DOCK2: variants seen among roughly 807,000 people sequenced by gnomAD.
DOCK2 encodes dedicator of cytokinesis 2, also known as dedicator of cytokinesis protein 2.
A neutral mutation model predicts 248.9 loss-of-function variants in DOCK2; 87 were observed. The ratio of observed to expected loss-of-function variants is 0.35; its 90% CI spans 0.29 to 0.42. DOCK2 has a LOEUF of 0.42. Among genes scored for constraint, DOCK2 ranks in the 10% least tolerant of loss-of-function variants. The pLI is 1.00. For synonymous variants in DOCK2, 805 were observed against 821.6 expected, an observed-to-expected ratio of 0.98 and a Z score of 0.35; for missense variants, 1,747 against 2,300.2, an observed-to-expected ratio of 0.76 and a Z score of 4.92.
chr5:169,710,312 G>A (rs1447703344), intron 15 of DOCK2, among the ~76,000 whole-genome samples: 1 of 152,196 alleles, frequency 6.6e-6, no homozygotes, highest in African/African-American at 2.4e-5. Flanking sequence ...CCTTGGTGCA[G>A]GATGTAACCA....
At chr5:169,899,760 C>T (rs1287970748) in intron 27 of DOCK2, among the ~76,000 whole-genome samples, 1 of 152,202 alleles carries the variant, frequency 6.6e-6, no homozygotes, top group East Asian at 1.9e-4. Flanking sequence ...GACTGCATAA[C>T]ACATGAATTT....
intron 23 of DOCK2, among the ~76,000 whole-genome samples, chr5:169,759,083 G>C (rs971674512): frequency 6.6e-6 from 1 of 152,138 alleles, no homozygotes; most frequent in East Asian, 1.9e-4. Flanking sequence ...CCTATCTCTG[G>C]ATGCATCAGT....
chr5:170,007,896 C>T (rs73312338), intron 30 of DOCK2, among the ~76,000 whole-genome samples: 5 of 152,098 alleles, frequency 3.3e-5, no homozygotes, highest in African/African-American at 7.2e-5. Context: ...GTCTAGGCAG[C>T]GGCCAGAGAA....
chr5:169,922,245 A>G (rs1380659463), intron 27 of DOCK2, among the ~76,000 whole-genome samples: 2 of 152,232 alleles, frequency 1.3e-5, no homozygotes, highest in African/African-American at 4.8e-5. Context: ...ATTGCTTCCA[A>G]AGAATGAATT....
intron 2 of DOCK2, among the ~76,000 whole-genome samples, chr5:169,659,091 GTCC>G (rs1758301334): frequency 6.6e-6 from 1 of 151,028 alleles, no homozygotes; most frequent in African/African-American, 2.4e-5. Context: ...GGCCCAAGCA[GTCC>G]TCCTGCCTCA....
chr5:169,846,759 A>G (rs1418285835), intron 27 of DOCK2, among the ~76,000 whole-genome samples: 1 of 152,104 alleles, frequency 6.6e-6, no homozygotes, highest in Admixed American at 6.6e-5. Flanking sequence ...TGGATGAATT[A>G]TATAGTGGTG....
At chr5:170,079,434 A>G in intron 49 of DOCK2, 1 of 344,926 alleles carries the variant, frequency 2.9e-6, no homozygotes, top group Non-Finnish European at 5.6e-6. Context: ...CAGGCTGGGG[A>G]GAATCCACCT....
At chr5:169,711,794 A>G in intron 15 of DOCK2, 141 bp from the exon 16 acceptor site, 1 of 767,140 alleles carries the variant, frequency 1.3e-6, no homozygotes, top group East Asian at 2.6e-5. Context: ...TTTACAGTTC[A>G]TCAGCCTCAA....
chr5:169,855,593 C>A (rs1177477491), intron 27 of DOCK2, among the ~76,000 whole-genome samples: 2 of 152,038 alleles, frequency 1.3e-5, no homozygotes, highest in Non-Finnish European at 2.9e-5. Flanking sequence ...TAGAGAGAGG[C>A]CCCAGGCAGC....
intron 27 of DOCK2, among the ~76,000 whole-genome samples, chr5:169,862,769 AG>A (rs1771286577): frequency 6.6e-6 from 1 of 152,200 alleles, no homozygotes; most frequent in Non-Finnish European, 1.5e-5. Flanking sequence ...TCACTATGAC[AG>A]GGGAAGGTGA....
chr5:169,728,857 T>C (rs1762621499), intron 22 of DOCK2, among the ~76,000 whole-genome samples: 1 of 152,214 alleles, frequency 6.6e-6, no homozygotes, highest in African/African-American at 2.4e-5. Context: ...TGGTCTTGTC[T>C]GCTTCCACCT....
At chr5:169,821,736 T>C (rs568247233) in intron 26 of DOCK2, among the ~76,000 whole-genome samples, 2 of 152,152 alleles carry the variant, frequency 1.3e-5, no homozygotes, top group African/African-American at 4.8e-5. Flanking sequence ...CCAGCTAACA[T>C]CATAATGACA....
At chr5:169,664,929 CAT>C (rs1376697484) in intron 2 of DOCK2, among the ~76,000 whole-genome samples, 1 of 151,114 alleles carries the variant, frequency 6.6e-6, no homozygotes, top group Non-Finnish European at 1.5e-5. Flanking sequence ...ACTCATCACT[CAT>C]ATAAATATCA....
intron 25 of DOCK2, among the ~76,000 whole-genome samples, chr5:169,800,371 T>C (rs1027404644): frequency 1.3e-5 from 2 of 152,336 alleles, no homozygotes; most frequent in Non-Finnish European, 1.5e-5. Flanking sequence ...ATTGCAATAT[T>C]ATCCACTTGT....
At chr5:169,845,130 C>T (rs1770229218) in intron 27 of DOCK2, among the ~76,000 whole-genome samples, 1 of 149,888 alleles carries the variant, frequency 6.7e-6, no homozygotes, top group African/African-American at 2.5e-5. Context: ...CACCTGAATT[C>T]GGGATCTCAG....
intron 38 of DOCK2, among the ~76,000 whole-genome samples, chr5:170,043,125 A>G (rs1756577019): frequency 6.6e-6 from 1 of 152,138 alleles, no homozygotes; most frequent in Non-Finnish European, 1.5e-5. Context: ...ACCAGCCCCA[A>G]AACTGCCATG....
intron 25 of DOCK2, among the ~76,000 whole-genome samples, chr5:169,794,635 T>C (rs1266201459): frequency 1.3e-5 from 2 of 152,164 alleles, no homozygotes; most frequent in Admixed American, 6.6e-5. Context: ...TTAAAAGTTA[T>C]TTACTTTAGC....
chr5:169,703,226 T>C (rs1320253825), intron 14 of DOCK2, among the ~76,000 whole-genome samples: 2 of 152,034 alleles, frequency 1.3e-5, no homozygotes, highest in African/African-American at 4.8e-5. Flanking sequence ...GCAGGGCGGG[T>C]GTGTTCATCA....
chr5:169,873,016 A>G (rs1581332507), intron 27 of DOCK2, among the ~76,000 whole-genome samples: 2 of 152,040 alleles, frequency 1.3e-5, no homozygotes. Context: ...AGATCGGATC[A>G]CTCTGTGATC....
Sources: gnomAD v4.1 joint callset for allele counts (sites outside exome capture counted in the v4.1 genomes callset) on GRCh38, gnomAD v4.1.1 for gene constraint, MANE v1.5 for transcripts, NCBI Gene and HGNC (gene_info 2026-07-23, HGNC 2026-07-21) for gene names.